The following LRBA variants were observed in gnomAD, a reference collection of about 807,000 sequenced individuals.
LRBA encodes the protein lipopolysaccharide-responsive and beige-like anchor protein.
LRBA carries 176 observed loss-of-function variants against 330.0 expected under a neutral mutation model. The observed-to-expected ratio is 0.53, with a 90% CI of 0.47 to 0.60. LRBA has a LOEUF of 0.60. Among genes scored for constraint, LRBA ranks in the 20% least tolerant of loss-of-function variants. LRBA has a pLI of 0.00. For missense variants in LRBA, 3,259 were observed against 3,444.8 expected (o/e 0.95, Z 1.35); for synonymous variants, 1,230 against 1,193.0 (o/e 1.03, Z -0.64).
At chr4:150,680,476 A>C (rs1349867295) in intron 37 of LRBA, among the ~76,000 whole-genome samples, 5 of 152,190 alleles carry the variant, frequency 3.3e-5, no homozygotes. Flanking sequence ...GTGAGGAAAC[A>C]ACAATTCCCA....
chr4:150,358,074 T>C, intron 47 of LRBA, among the ~76,000 whole-genome samples: 1 of 152,096 alleles, frequency 6.6e-6, no homozygotes, highest in East Asian at 1.9e-4. Flanking sequence ...AATCCAGGTA[T>C]GTAACTCTCA....
Position 151,014,797 on chromosome 4 carries a change from G to C in LRBA, c.-155C>G. On this transcript the variant is annotated 5_prime_UTR_variant, in exon 2 of 57. Transcript: ENST00000651943. ...GTTGATGTGGAAAGTCCTTGGCGTCGCCCTCCTCCTCTTGGAGAATATTTG... is the reference window on the plus strand; with the variant it reads ...GTTGATGTGGAAAGTCCTTGGCGTCCCCCTCCTCCTCTTGGAGAATATTTG... 1.7e-6 allele frequency: 1 copy of C among 583,220 alleles called. No individual in the cohort carries two copies. The highest frequency in any genetic ancestry group is 2.3e-5 in the South Asian group (1 of 42,712). The allele number at this position is 583,220 out of a possible 1,614,324, so 36.1% of individuals were successfully genotyped here.
intron 17 of LRBA, among the ~76,000 whole-genome samples, chr4:150,881,592 C>A (rs1005876027): frequency 6.6e-6 from 1 of 152,124 alleles, no homozygotes; most frequent in African/African-American, 2.4e-5. Flanking sequence ...GTGACAGGAT[C>A]AATCATACCT....
intron 38 of LRBA, among the ~76,000 whole-genome samples, chr4:150,594,575 G>T (rs1377260989): frequency 6.6e-6 from 1 of 151,950 alleles, no homozygotes; most frequent in Non-Finnish European, 1.5e-5. Context: ...TAACATGATT[G>T]CTGTTTAAAT....
chr4:150,485,883 T>A (rs1248305469), intron 42 of LRBA, among the ~76,000 whole-genome samples: 1 of 151,932 alleles, frequency 6.6e-6, no homozygotes, highest in Non-Finnish European at 1.5e-5. Flanking sequence ...ACCTTTAACG[T>A]ATAAATGTAT....
intron 37 of LRBA, among the ~76,000 whole-genome samples, chr4:150,660,733 CCT>C (rs1780981256): frequency 2.3e-5 from 3 of 131,096 alleles, no homozygotes; most frequent in African/African-American, 5.6e-5. Flanking sequence ...AAGAAAAATT[CCT>C]CTGTCTTGGG....
intron 42 of LRBA, among the ~76,000 whole-genome samples, chr4:150,478,505 T>C (rs556680077): frequency 6.6e-6 from 1 of 152,318 alleles, no homozygotes; most frequent in Non-Finnish European, 1.5e-5. Flanking sequence ...GTCTTATAAA[T>C]TATATTTCTT....
intron 40 of LRBA, among the ~76,000 whole-genome samples, chr4:150,533,990 A>T (rs1368621092): frequency 6.6e-6 from 1 of 152,112 alleles, no homozygotes; most frequent in African/African-American, 2.4e-5. Flanking sequence ...GACCCACATC[A>T]AGTATCTCTA....
chr4:150,703,457 G>C (rs1259636389), intron 36 of LRBA, among the ~76,000 whole-genome samples: 1 of 152,048 alleles, frequency 6.6e-6, no homozygotes, highest in Non-Finnish European at 1.5e-5. Flanking sequence ...AATTCTTTGG[G>C]AGCTTCCTAT....
intron 9 of LRBA, among the ~76,000 whole-genome samples, chr4:150,909,362 G>A (rs139346098): frequency 3.9e-4 from 59 of 152,202 alleles, no homozygotes; most frequent in African/African-American, 1.2e-3. Flanking sequence ...TCGTATAAGT[G>A]GAATCATACA....
chr4:150,793,707 G>A (rs775060351), intron 34 of LRBA, among the ~76,000 whole-genome samples: 2 of 152,218 alleles, frequency 1.3e-5, no homozygotes, highest in Non-Finnish European at 2.9e-5. Flanking sequence ...AACTATGGGT[G>A]AGTGTTCTGC....
At chr4:150,319,204 C>A (rs534058598) in intron 50 of LRBA, among the ~76,000 whole-genome samples, 1 of 152,194 alleles carries the variant, frequency 6.6e-6, no homozygotes, top group East Asian at 1.9e-4. Flanking sequence ...GCCAGCTCTT[C>A]CTAGGCTAAA....
intron 41 of LRBA, among the ~76,000 whole-genome samples, chr4:150,490,099 A>C (rs1198056132): frequency 6.6e-6 from 1 of 151,704 alleles, no homozygotes; most frequent in Non-Finnish European, 1.5e-5. Flanking sequence ...GATTAGAAGA[A>C]GAGGTATGTG....
At chr4:150,585,678 T>A (rs1772028668) in intron 40 of LRBA, among the ~76,000 whole-genome samples, 1 of 152,216 alleles carries the variant, frequency 6.6e-6, no homozygotes, top group Non-Finnish European at 1.5e-5. Context: ...ACAGAATATA[T>A]GTCAGATGTT....
At chr4:150,327,245 C>T (rs1733399922) in intron 48 of LRBA, among the ~76,000 whole-genome samples, 1 of 151,994 alleles carries the variant, frequency 6.6e-6, no homozygotes, top group South Asian at 2.1e-4. Flanking sequence ...ATAGTAAGAC[C>T]CTGTCTCTAC....
Position 150,265,029 on chromosome 4 carries a change from C to CCAT in LRBA, c.*690_*692dup, listed in dbSNP as rs1480259836. 2.0e-5 allele frequency: 3 copies of CCAT among 152,630 alleles called. No homozygotes were observed. Among genetic ancestry groups the CCAT allele is most frequent in the Non-Finnish European group, 4.4e-5 (3 of 68,044 alleles). The allele number at this position is 152,630 out of a possible 1,614,324, so 9.5% of individuals were successfully genotyped here. On this transcript the variant is annotated 3_prime_UTR_variant, in exon 57 of 57. Transcript: ENST00000651943. ...AAATGTTGTGAGCTCAAGAGCATTT[C>CCAT]CATCATTTCGTTTTGTTGTGCTATG...
chr4:150,894,181 A>C (rs1241050871), intron 16 of LRBA, among the ~76,000 whole-genome samples: 1 of 152,202 alleles, frequency 6.6e-6, no homozygotes, highest in Non-Finnish European at 1.5e-5. Flanking sequence ...TAAATGTTGC[A>C]AATCTGGTGG....
At chr4:150,867,931 T>A in intron 21 of LRBA, 68 bp from the exon 22 acceptor site, 2 of 1,287,388 alleles carry the variant, frequency 1.6e-6, no homozygotes, top group Non-Finnish European at 1.1e-6. Context: ...TCTAAAGGTT[T>A]AAAACAAAAT....
At chr4:150,790,881 G>A (rs1417384776) in intron 34 of LRBA, among the ~76,000 whole-genome samples, 1 of 152,166 alleles carries the variant, frequency 6.6e-6, no homozygotes, top group Non-Finnish European at 1.5e-5. Context: ...AACAATATGA[G>A]TGTATTAGAA....
Sources: allele counts gnomAD v4.1 joint callset (sites outside exome capture counted in the v4.1 genomes callset), GRCh38; gene constraint gnomAD v4.1.1; transcripts MANE v1.5; gene names NCBI Gene and HGNC (gene_info 2026-07-23, HGNC 2026-07-21).